The following LRP12 variants were observed in gnomAD, a reference collection of about 807,000 sequenced individuals.
LRP12 encodes the protein LDL receptor related protein 12, also known as low-density lipoprotein receptor-related protein 12.
Under a neutral mutation model 66.0 loss-of-function variants are expected in LRP12, and 14 were observed. The ratio of observed to expected loss-of-function variants is 0.21; its 90% CI spans 0.14 to 0.33. The LOEUF is 0.33. LRP12 is among the 10% of genes least tolerant of loss of function. The pLI is 1.00. For missense variants in LRP12, 889 were observed against 1,053.4 expected (o/e 0.84, Z 2.16); for synonymous variants, 357 against 359.1 (o/e 0.99, Z 0.07).
At chr8:104,588,119 C>T (rs1316919375) in intron 1 of LRP12, among the ~76,000 whole-genome samples, 10 of 152,154 alleles carry the variant, frequency 6.6e-5, no homozygotes. Context: ...ACCACAGCGG[C>T]GGACGAGGAT....
chr8:104,517,711 A>G (rs1416750567), intron 2 of LRP12, among the ~76,000 whole-genome samples: 1 of 152,066 alleles, frequency 6.6e-6, no homozygotes, highest in African/African-American at 2.4e-5. Context: ...AGAGTACTGT[A>G]TAGAGTGTAT....
intron 1 of LRP12, among the ~76,000 whole-genome samples, chr8:104,584,334 T>C (rs989625440): frequency 5.3e-5 from 8 of 151,970 alleles, no homozygotes; most frequent in Non-Finnish European, 8.8e-5. Flanking sequence ...ATTTCATATA[T>C]ATTTTTACTG....
intron 6 of LRP12, 81 bp from the exon 7 acceptor site, chr8:104,491,620 G>C: frequency 8.9e-7 from 1 of 1,127,060 alleles, no homozygotes; most frequent in Non-Finnish European, 1.2e-6. Context: ...CTTCTATTAA[G>C]AATGTGTTGT....
rs1367300366 is a variant in LRP12 at position 104,497,797 on chromosome 8, A to G, written c.755T>C (p.Ile252Thr). The change falls in exon 5 of 7, where the codon ATA (isoleucine) becomes ACA (threonine). Residue 252 changes from isoleucine to threonine, a missense_variant. Ile to Thr is a moderately conservative substitution (Grantham distance 89). Transcript: ENST00000276654. The surrounding 1 kb of genome is among the most constrained non-coding windows in gnomAD (Gnocchi z 4.3). Reference protein sequence around the residue: ...NIDCLDLGDEIDCDVPTCGQW... With the variant: ...NIDCLDLGDETDCDVPTCGQW... Reference sequence around the variant, plus strand: ...CCCACATGTTGGCACATCACAGTCTATCTCATCTCCTAGGTCAAGGCAGTC... The same window carrying G: ...CCCACATGTTGGCACATCACAGTCTGTCTCATCTCCTAGGTCAAGGCAGTC... 1.2e-6 allele frequency: 2 copies of G among 1,614,134 alleles called. No homozygotes were observed. Among genetic ancestry groups the G allele is most frequent in the South Asian group, 1.1e-5 (1 of 91,084 alleles).
At chr8:104,492,589 G>T (rs1235887656) in intron 6 of LRP12, among the ~76,000 whole-genome samples, 1 of 152,092 alleles carries the variant, frequency 6.6e-6, no homozygotes, top group African/African-American at 2.4e-5. Flanking sequence ...AAGAAAGAAG[G>T]TAGAAAATAA....
intron 1 of LRP12, among the ~76,000 whole-genome samples, chr8:104,536,353 C>T (rs6996424): frequency 0.82 from 124,926 of 152,004 alleles, 52,264 homozygotes; most frequent in East Asian, 1. Context: ...ACTCCTTTAG[C>T]ATCTGACACT....
intron 1 of LRP12, among the ~76,000 whole-genome samples, chr8:104,538,975 TA>T (rs1287711124): frequency 6.6e-6 from 1 of 152,174 alleles, no homozygotes; most frequent in Non-Finnish European, 1.5e-5. Context: ...AGGACCATTT[TA>T]AATCATATTA....
intron 6 of LRP12, among the ~76,000 whole-genome samples, chr8:104,494,427 T>C (rs1438906073): frequency 6.6e-6 from 1 of 152,182 alleles, no homozygotes; most frequent in Non-Finnish European, 1.5e-5. Context: ...AAACAATGTT[T>C]ACCAGTTTTA....
intron 2 of LRP12, among the ~76,000 whole-genome samples, chr8:104,525,182 A>T (rs1811213924): frequency 6.6e-6 from 1 of 152,130 alleles, no homozygotes. Context: ...TAAAAATACC[A>T]TTTGTCTTTT....
At chr8:104,581,343 A>G (rs1812246561) in intron 1 of LRP12, among the ~76,000 whole-genome samples, 1 of 152,186 alleles carries the variant, frequency 6.6e-6, no homozygotes, top group South Asian at 2.1e-4. Context: ...TGGGTACTAT[A>G]TACGATATGA....
intron 6 of LRP12, among the ~76,000 whole-genome samples, chr8:104,492,405 C>G (rs1201839884): frequency 1.3e-5 from 2 of 152,116 alleles, no homozygotes; most frequent in African/African-American, 4.8e-5. Flanking sequence ...AGTCTTTAAG[C>G]TCCATCTAGT....
chr8:104,506,758 T>C (rs1810916034), intron 3 of LRP12: 1 of 152,164 alleles, frequency 6.6e-6, no homozygotes, highest in African/African-American at 2.4e-5. Flanking sequence ...GTGGCCTTTG[T>C]TGATTATAGT....
chr8:104,509,132 A>G, intron 2 of LRP12, 58 bp from the exon 3 acceptor site: 1 of 1,498,310 alleles, frequency 6.7e-7, no homozygotes, highest in South Asian at 1.4e-5. Flanking sequence ...GGTATTAGGT[A>G]AATCAGTGTT....
chr8:104,509,123 G>T (rs767664242), intron 2 of LRP12, 49 bp from the exon 3 acceptor site: 30 of 1,542,148 alleles, frequency 1.9e-5, no homozygotes, highest in African/African-American at 2.8e-5. Flanking sequence ...CATTTAAATG[G>T]TATTAGGTAA....
intron 1 of LRP12, among the ~76,000 whole-genome samples, chr8:104,570,344 T>C (rs78856492): frequency 1.3e-5 from 2 of 152,198 alleles, no homozygotes; most frequent in East Asian, 3.9e-4. Flanking sequence ...AGAATAAAAC[T>C]GAAAGGATTG....
At chr8:104,560,514 G>C (rs547513867) in intron 1 of LRP12, among the ~76,000 whole-genome samples, 3 of 152,300 alleles carry the variant, frequency 2.0e-5, no homozygotes, top group Non-Finnish European at 4.4e-5. Flanking sequence ...AGATAGTAAT[G>C]ATGGCATGAT....
rs936460732 is a variant in LRP12, at chr8:104,499,188, C to T, written c.475+129G>A. 1.8e-5 allele frequency: 12 copies of T among 659,942 alleles called. No homozygotes were observed. The Admixed American group carries it at 2.0e-4, about 11-fold the overall frequency. The allele number at this position is 659,942 out of a possible 1,614,324, so 40.9% of individuals were successfully genotyped here. On this transcript the variant is annotated intron_variant, in intron 4 of 6. Coordinates refer to ENST00000276654, the MANE Select transcript of LRP12 (RefSeq NM_013437.5). ...AGGGCATCTAACTTTAGCTTCTAAT[C>T]CTCAATCTCAGCTGCCTCAAGGGCC...
intron 2 of LRP12, among the ~76,000 whole-genome samples, chr8:104,511,180 A>G (rs114244321): frequency 0.013 from 1,955 of 151,554 alleles, 47 homozygotes; most frequent in African/African-American, 0.044. Flanking sequence ...AGTAAGTAGG[A>G]CTACAGGTGC....
At chr8:104,548,141 T>A (rs1443110377) in intron 1 of LRP12, among the ~76,000 whole-genome samples, 2 of 89,574 alleles carry the variant, frequency 2.2e-5, no homozygotes, top group Non-Finnish European at 3.7e-5. Context: ...ATAATTATAA[T>A]TATATTATAT....
Sources: allele counts gnomAD v4.1 joint callset (sites outside exome capture counted in the v4.1 genomes callset), GRCh38; gene constraint gnomAD v4.1.1; non-coding constraint Gnocchi (gnomAD v3.1); transcripts MANE v1.5; gene names NCBI Gene and HGNC (gene_info 2026-07-23, HGNC 2026-07-21).